SPON1: variants seen among roughly 807,000 people sequenced by gnomAD.
SPON1 encodes the protein spondin-1.
In SPON1, 52 loss-of-function variants were observed where a neutral mutation model predicts 111.7. The ratio of observed to expected loss-of-function variants is 0.47; its 90% CI spans 0.37 to 0.59. The LOEUF is 0.59. Ranked by LOEUF, SPON1 falls within the 20% of genes least tolerant of loss-of-function variation. SPON1 has a pLI of 0.00. For missense variants in SPON1, 957 were observed against 1,068.5 expected (o/e 0.90, Z 1.46); for synonymous variants, 410 against 395.8 (o/e 1.04, Z -0.43).
intron 5 of SPON1, among the ~76,000 whole-genome samples, chr11:14,091,735 G>A (rs1193775159): frequency 1.3e-5 from 2 of 152,318 alleles, no homozygotes; most frequent in East Asian, 1.9e-4. Flanking sequence ...GCAAGCTGAG[G>A]GAGTGGGCTC....
intron 6 of SPON1, among the ~76,000 whole-genome samples, chr11:14,193,497 T>G (rs537553822): frequency 6.6e-6 from 1 of 152,350 alleles, no homozygotes; most frequent in South Asian, 2.1e-4. Context: ...TGGTGAGCTC[T>G]GCTTGTCACA....
chr11:14,157,932 GT>G (rs1245605162), intron 6 of SPON1, among the ~76,000 whole-genome samples: 1 of 151,902 alleles, frequency 6.6e-6, no homozygotes, highest in African/African-American at 2.4e-5. Flanking sequence ...ATTAATTATA[GT>G]TTTTAAGTCC....
intron 6 of SPON1, among the ~76,000 whole-genome samples, chr11:14,162,004 A>T (rs1847971040): frequency 6.6e-6 from 1 of 151,916 alleles, no homozygotes; most frequent in Non-Finnish European, 1.5e-5. Flanking sequence ...AAATATACAA[A>T]AAAAATGGCT....
intron 6 of SPON1, among the ~76,000 whole-genome samples, chr11:14,231,665 C>G (rs1406698797): frequency 6.6e-6 from 1 of 152,128 alleles, no homozygotes; most frequent in Non-Finnish European, 1.5e-5. Flanking sequence ...CCCCTCTCCA[C>G]AAAGGTAAAT....
chr11:14,008,938 T>C (rs1382746476), intron 2 of SPON1, among the ~76,000 whole-genome samples: 3 of 152,214 alleles, frequency 2.0e-5, no homozygotes, highest in Non-Finnish European at 2.9e-5. Flanking sequence ...TGTAAGTCTT[T>C]CTAATTCACC....
intron 6 of SPON1, among the ~76,000 whole-genome samples, chr11:14,151,576 C>G (rs145082986): frequency 6.6e-6 from 1 of 152,088 alleles, no homozygotes; most frequent in East Asian, 1.9e-4. Flanking sequence ...TGAATAAGAC[C>G]CAGGGTGGGA....
chr11:14,210,373 C>CTTTTTTTTTTT (rs79378171), intron 6 of SPON1, among the ~76,000 whole-genome samples: 5 of 133,734 alleles, frequency 3.7e-5, no homozygotes, highest in African/African-American at 5.4e-5. Context: ...TTTCTTTTTC[C>CTTTTTTTTTTT]TTTTTTTTTT....
intron 6 of SPON1, among the ~76,000 whole-genome samples, chr11:14,217,984 G>T (rs1236219856): frequency 6.6e-6 from 1 of 152,172 alleles, no homozygotes; most frequent in African/African-American, 2.4e-5. Flanking sequence ...AACCCTGGGG[G>T]TAGGGCTCAG....
chr11:14,091,828 C>T (rs189696671), intron 5 of SPON1, among the ~76,000 whole-genome samples: 38 of 152,328 alleles, frequency 2.5e-4, no homozygotes, highest in African/African-American at 8.9e-4. Flanking sequence ...AGTAGGAGCC[C>T]AGGCAGGGGA....
At chr11:14,257,662 CCAGTGGCAGCT>C in intron 10 of SPON1, 43 bp from the exon 11 acceptor site, 3 of 1,500,696 alleles carry the variant, frequency 2.0e-6, no homozygotes, top group Non-Finnish European at 2.7e-6. Context: ...GGGGAGAGGG[CCAGTGGCAGCT>C]CCCATAGGTT....
At position 14,113,568 on chromosome 11, in the gene SPON1, ATTTTTTTTTTTTTT is replaced by A. The variant is rs782780924; in HGVS notation, c.677-21813_677-21800del. Among the ~76,000 whole-genome samples the A allele has an allele frequency of 9.4e-4, 70 of 74,748 alleles. 9 individuals carry two copies. Among genetic ancestry groups the A allele is most frequent in the South Asian group, 1.4e-3 (3 of 2,190 alleles). 49.0% of individuals were successfully genotyped at this position (74,748 alleles called of 152,430 possible). The stretch of plus-strand genomic sequence containing the variant: ...AAGTCACCTCCTATGTACTTTTTAA[ATTTTTTTTTTTTTT>A]TTTTTTTTTTTTTTTTTTTTTTTTT... On this transcript the variant is annotated intron_variant, in intron 5 of 15. Transcript: ENST00000576479.
intron 1 of SPON1, among the ~76,000 whole-genome samples, chr11:13,975,530 C>A (rs1564877137): frequency 1.3e-5 from 2 of 152,250 alleles, no homozygotes. Context: ...GGGAGACAAG[C>A]ATTTAACAAA....
intron 3 of SPON1, among the ~76,000 whole-genome samples, chr11:14,057,629 ATG>A (rs1848754592): frequency 6.6e-6 from 1 of 152,090 alleles, no homozygotes; most frequent in Non-Finnish European, 1.5e-5. Context: ...TTACTCTCAA[ATG>A]CTTCAGGGTA....
intron 6 of SPON1, among the ~76,000 whole-genome samples, chr11:14,220,262 A>C (rs2133906370): frequency 6.6e-6 from 1 of 152,254 alleles, no homozygotes; most frequent in East Asian, 1.9e-4. Flanking sequence ...TGCACATACC[A>C]TCAAATTCAA....
chr11:14,225,308 C>A lies in SPON1; in HGVS notation c.826-18024C>A, dbSNP rs558781315. On this transcript the variant is annotated intron_variant, in intron 6 of 15. Transcript: ENST00000576479. ...TATTCCTTTTGCCTGTGTCTATTTT[C>A]TAAGTGTTCTACAAAGAACATATTT... 5.1e-4 allele frequency among the ~76,000 whole-genome samples: 78 copies of A among 152,084 alleles called. No individual in the cohort carries two copies. In the South Asian group the frequency reaches 0.015, roughly 30 times the overall value.
chr11:14,178,421 CAAAAA>C (rs35221896), intron 6 of SPON1, among the ~76,000 whole-genome samples: 1 of 123,986 alleles, frequency 8.1e-6, no homozygotes, highest in Non-Finnish European at 1.7e-5. Context: ...GACTCCGTCT[CAAAAA>C]AAAAAAAAAA....
intron 7 of SPON1, among the ~76,000 whole-genome samples, chr11:14,245,063 A>G (rs1564940018): frequency 6.6e-6 from 1 of 152,104 alleles, no homozygotes; most frequent in Non-Finnish European, 1.5e-5. Context: ...ATCCATTAAC[A>G]CCCGTATTGA....
In SPON1 at chr11:14,228,733, A is replaced by G. The variant is rs1389192029; in HGVS notation, c.826-14599A>G. Among the ~76,000 whole-genome samples, 2 of 152,222 alleles carry G rather than the reference A, an allele frequency of 1.3e-5. No individual in the cohort carries two copies. Among genetic ancestry groups the G allele is most frequent in the African/African-American group, 4.8e-5 (2 of 41,464 alleles). ...GTAAGTCCTTCACTCCTGAAGAGAG[A>G]TCTGGACAGAGCGTCACATTGTCTT... On this transcript the variant is annotated intron_variant, in intron 6 of 15. Coordinates refer to ENST00000576479, the MANE Select transcript of SPON1 (RefSeq NM_006108.4). The surrounding 1 kb of genome is among the most constrained non-coding windows in gnomAD (Gnocchi z 4.2).
At chr11:14,128,926 C>T (rs1847495316) in intron 5 of SPON1, among the ~76,000 whole-genome samples, 1 of 152,252 alleles carries the variant, frequency 6.6e-6, no homozygotes, top group African/African-American at 2.4e-5. Context: ...TACCTTGGCA[C>T]CTTTTAGCCA....
Sources: allele counts gnomAD v4.1 joint callset (sites outside exome capture counted in the v4.1 genomes callset), GRCh38; gene constraint gnomAD v4.1.1; non-coding constraint Gnocchi (gnomAD v3.1); transcripts MANE v1.5; gene names NCBI Gene and HGNC (gene_info 2026-07-23, HGNC 2026-07-21).